The following ROBO1 variants were observed in gnomAD, a reference collection of about 807,000 sequenced individuals.
ROBO1 encodes the protein roundabout guidance receptor 1, also known as roundabout homolog 1.
In ROBO1, 149 loss-of-function variants were observed where a neutral mutation model predicts 195.9. That is an observed-to-expected ratio of 0.76 (90% CI 0.67 to 0.87). The LOEUF (loss-of-function observed/expected upper bound fraction) is 0.87, where lower values mean the gene tolerates loss of function less well. Among genes scored for constraint, ROBO1 ranks in the 40% least tolerant of loss-of-function variants. ROBO1 has a pLI of 0.00. For synonymous variants in ROBO1, 816 were observed against 733.2 expected (o/e 1.11, Z -1.82); for missense variants, 1,933 against 2,068.3 (o/e 0.93, Z 1.27).
intron 2 of ROBO1, chr3:79,527,688 C>A (rs1182685261): frequency 1.3e-5 from 2 of 152,046 alleles, no homozygotes; most frequent in Non-Finnish European, 1.5e-5. Context: ...TGGTATCTCT[C>A]CAAGTATACT....
chr3:79,530,399 C>T (rs1418779675), intron 2 of ROBO1, among the ~76,000 whole-genome samples: 2 of 152,004 alleles, frequency 1.3e-5, no homozygotes, highest in Admixed American at 1.3e-4. Flanking sequence ...GACATTACTA[C>T]CTGGATTTGA....
intron 3 of ROBO1, among the ~76,000 whole-genome samples, chr3:78,990,256 T>C (rs1447833): frequency 0.073 from 11,128 of 152,270 alleles, 576 homozygotes; most frequent in Admixed American, 0.14. Flanking sequence ...TGTGTAAGAA[T>C]AAATGAATAA....
intron 4 of ROBO1, among the ~76,000 whole-genome samples, chr3:78,844,760 G>A (rs1031877794): frequency 1.3e-5 from 2 of 152,016 alleles, no homozygotes; most frequent in African/African-American, 2.4e-5. Flanking sequence ...TTTCAAGAAA[G>A]TATACATTCT....
At chr3:79,600,284 C>A (rs1407809398) in intron 1 of ROBO1, among the ~76,000 whole-genome samples, 1 of 151,868 alleles carries the variant, frequency 6.6e-6, no homozygotes, top group Non-Finnish European at 1.5e-5. Flanking sequence ...TAAGTGTTGC[C>A]TCTGATGAGT....
intron 3 of ROBO1, among the ~76,000 whole-genome samples, chr3:79,040,145 A>C (rs1248083148): frequency 6.6e-6 from 1 of 152,166 alleles, no homozygotes; most frequent in African/African-American, 2.4e-5. Flanking sequence ...AGACTTCACA[A>C]GTACCCTAGG....
chr3:79,750,367 T>A (rs572575970), intron 1 of ROBO1, among the ~76,000 whole-genome samples: 2 of 152,346 alleles, frequency 1.3e-5, no homozygotes, highest in Non-Finnish European at 2.9e-5. Flanking sequence ...GACTGTGGAC[T>A]TTTGAGTTAA....
chr3:79,250,046 C>G (rs574907526), intron 2 of ROBO1, among the ~76,000 whole-genome samples: 31 of 152,192 alleles, frequency 2.0e-4, no homozygotes, highest in African/African-American at 7.5e-4. Context: ...CTGGGAGAGT[C>G]GTTGGAGTCT....
chr3:79,535,130 C>T (rs1017891491), intron 2 of ROBO1, among the ~76,000 whole-genome samples: 8 of 152,168 alleles, frequency 5.3e-5, no homozygotes, highest in Admixed American at 2.6e-4. Flanking sequence ...GAAGAATTAT[C>T]CCGAGTCTTC....
chr3:79,203,724 T>C (rs1428274784), intron 2 of ROBO1, among the ~76,000 whole-genome samples: 1 of 152,214 alleles, frequency 6.6e-6, no homozygotes, highest in African/African-American at 2.4e-5. Context: ...TGAACCACTA[T>C]GTACGTAACA....
chr3:79,478,897 T>A (rs1938683381), intron 2 of ROBO1, among the ~76,000 whole-genome samples: 1 of 152,188 alleles, frequency 6.6e-6, no homozygotes, highest in African/African-American at 2.4e-5. Context: ...ACTTGGCAAC[T>A]ATTGCTGAAT....
chr3:79,683,840 T>G (rs552173954), intron 1 of ROBO1, among the ~76,000 whole-genome samples: 1 of 152,292 alleles, frequency 6.6e-6, no homozygotes, highest in African/African-American at 2.4e-5. Flanking sequence ...ACTGTGTATC[T>G]ATTCATAAGA....
At chr3:79,580,887 T>G (rs1410642191) in intron 2 of ROBO1, among the ~76,000 whole-genome samples, 1 of 152,142 alleles carries the variant, frequency 6.6e-6, no homozygotes, top group Admixed American at 6.6e-5. Context: ...ATTTTAATAG[T>G]CAAGAATACT....
intron 2 of ROBO1, among the ~76,000 whole-genome samples, chr3:79,477,462 GT>G (rs1417287378): frequency 1.3e-5 from 2 of 152,038 alleles, no homozygotes; most frequent in Non-Finnish European, 2.9e-5. Flanking sequence ...TGAACATTAA[GT>G]TTTCTTTTTT....
At chr3:79,260,066 C>T (rs1302336672) in intron 2 of ROBO1, among the ~76,000 whole-genome samples, 1 of 151,158 alleles carries the variant, frequency 6.6e-6, no homozygotes, top group Non-Finnish European at 1.5e-5. Flanking sequence ...CAGTAATGTA[C>T]TGAACTTGCT....
chr3:79,076,037 C>T (rs1212093966), intron 3 of ROBO1, among the ~76,000 whole-genome samples: 2 of 151,104 alleles, frequency 1.3e-5, no homozygotes, highest in African/African-American at 2.4e-5. Context: ...TGGATGTGAG[C>T]AAGTAATATA....
chr3:78,897,848 G>C (rs537176796), intron 4 of ROBO1, among the ~76,000 whole-genome samples: 1 of 151,990 alleles, frequency 6.6e-6, no homozygotes, highest in African/African-American at 2.4e-5. Flanking sequence ...CCAAAAAGAT[G>C]ATACAACAAA....
intron 2 of ROBO1, among the ~76,000 whole-genome samples, chr3:79,380,910 G>A (rs1409668643): frequency 6.6e-6 from 1 of 152,148 alleles, no homozygotes; most frequent in Non-Finnish European, 1.5e-5. Flanking sequence ...TATCTTGAGT[G>A]AGAAGTATGT....
intron 3 of ROBO1, among the ~76,000 whole-genome samples, chr3:78,998,686 G>C (rs2077425392): frequency 6.6e-6 from 1 of 151,886 alleles, no homozygotes; most frequent in Non-Finnish European, 1.5e-5. Context: ...AGTTCTATCT[G>C]TTCATTCTAC....
intron 1 of ROBO1, among the ~76,000 whole-genome samples, chr3:79,753,883 G>A (rs1036372594): frequency 6.6e-6 from 1 of 152,180 alleles, no homozygotes; most frequent in South Asian, 2.1e-4. Context: ...TCTGAAGCTA[G>A]ACTGTTGATT....
Sources: gnomAD v4.1 joint callset for allele counts (sites outside exome capture counted in the v4.1 genomes callset) on GRCh38, gnomAD v4.1.1 for gene constraint, MANE v1.5 for transcripts, NCBI Gene and HGNC (gene_info 2026-07-23, HGNC 2026-07-21) for gene names.